Variants in PLXNA2 observed in about 807,000 individuals in gnomAD.
The protein encoded by PLXNA2 is plexin A2, also known as plexin-A2.
Under a neutral mutation model 193.5 loss-of-function variants are expected in PLXNA2, and 91 were observed. That is an observed-to-expected ratio of 0.47 (90% CI 0.40 to 0.56). PLXNA2 has a LOEUF of 0.56. PLXNA2 is among the 20% of genes least tolerant of loss of function. The pLI, the probability that PLXNA2 is intolerant of heterozygous loss-of-function variation, is 0.00. For missense variants in PLXNA2, 1,995 were observed against 2,503.2 expected, an observed-to-expected ratio of 0.80 and a Z score of 4.33; for synonymous variants, 997 against 1,027.3, an observed-to-expected ratio of 0.97 and a Z score of 0.56.
intron 4 of PLXNA2, among the ~76,000 whole-genome samples, chr1:208,106,490 C>A (rs751246819): frequency 6.6e-6 from 1 of 152,220 alleles, no homozygotes; most frequent in Non-Finnish European, 1.5e-5. Flanking sequence ...TTCAGAGCAA[C>A]GAGAAAACAC....
At chr1:208,103,466 T>G (rs1667164195) in intron 4 of PLXNA2, among the ~76,000 whole-genome samples, 1 of 152,196 alleles carries the variant, frequency 6.6e-6, no homozygotes, top group Non-Finnish European at 1.5e-5. Context: ...TAAGACTTCT[T>G]GCCTTCGCGA....
Position 208,060,771 on chromosome 1 carries a change from G to C in PLXNA2, c.2653C>G (p.Leu885Val). 6.2e-7 allele frequency: 1 copy of C among 1,614,144 alleles called. No homozygotes were observed. Among genetic ancestry groups the C allele is most frequent in the Non-Finnish European group, 8.5e-7 (1 of 1,180,012 alleles). ...RVTIHGVNLG[L>V]DFSEIAHHVQ... is the part of the protein sequence containing the mutation. ...TGGTGGGCGATCTCGGAGAAGTCCAGACCCAGGTTCACGCCATGGATGGTC... is the reference window on the plus strand; with the variant it reads ...TGGTGGGCGATCTCGGAGAAGTCCACACCCAGGTTCACGCCATGGATGGTC... Residue 885 changes from leucine to valine, a missense_variant, in exon 13 of 32, where the codon CTG becomes GTG. Physicochemically the swap from Leu to Val is conservative, Grantham distance 32. Around this residue, in one of 3 missense-constraint regions of PLXNA2, gnomAD observed 1,291 missense variants for 1,673.6 expected, o/e 0.77. Transcript: ENST00000367033.
chr1:208,150,925 A>G (rs895670429), intron 3 of PLXNA2, among the ~76,000 whole-genome samples: 4 of 152,220 alleles, frequency 2.6e-5, no homozygotes, highest in African/African-American at 9.6e-5. Context: ...AGAGCTTATG[A>G]GAGGTGAATT....
rs1664366559 is a variant in PLXNA2, at chr1:208,027,189, C to T, written c.*54G>A. On this transcript the variant is annotated 3_prime_UTR_variant, in exon 32 of 32. Transcript: ENST00000367033. ...TCACTTGTCCTTCCATCTGAGACTC[C>T]CAGTGTGACAGCTTGGACAGGTCCC... is the stretch of plus-strand genomic sequence containing the variant. The T allele has an allele frequency of 2.1e-6, 3 of 1,454,434 alleles. No individual in the cohort carries two copies. The highest frequency in any genetic ancestry group is 2.8e-5 in the African/African-American group (2 of 72,010). The allele number at this position is 1,454,434 out of a possible 1,614,324, so 90.1% of individuals were successfully genotyped here.
In PLXNA2 at chr1:208,193,177, A is replaced by G. The variant is rs550531250; in HGVS notation, c.1371+17103T>C. Among the ~76,000 whole-genome samples, 174 of 152,352 alleles carry G rather than the reference A, an allele frequency of 1.1e-3. 6 individuals are homozygous for G. The South Asian group carries it at 0.035, about 30-fold the overall frequency. ...CAGCACAGTGAATGATGAAACCCAG[A>G]CAGTCCTGGCATTGCTTCATTTGCT... is the stretch of plus-strand genomic sequence containing the variant. On this transcript the variant is annotated intron_variant, in intron 3 of 31. Coordinates refer to ENST00000367033, the MANE Select transcript of PLXNA2 (RefSeq NM_025179.4).
At position 208,152,186 on chromosome 1, in the gene PLXNA2, G is replaced by A. The variant is rs116101517; in HGVS notation, c.1372-9723C>T. Among the ~76,000 whole-genome samples the A allele has an allele frequency of 4.2e-3, 634 of 152,336 alleles. 6 individuals are homozygous for A. The highest frequency in any genetic ancestry group is 0.014 in the African/African-American group (588 of 41,566). On this transcript the variant is annotated intron_variant, in intron 3 of 31. Coordinates refer to ENST00000367033, the MANE Select transcript of PLXNA2 (RefSeq NM_025179.4). Reference sequence around the variant, plus strand: ...AGCTGTAGGGATGGGAAGGGAGGTCGAGAGCGCTAAGCACCATTATCTGAC... The same window carrying A: ...AGCTGTAGGGATGGGAAGGGAGGTCAAGAGCGCTAAGCACCATTATCTGAC...
intron 2 of PLXNA2, among the ~76,000 whole-genome samples, chr1:208,212,108 G>T (rs1158984956): frequency 6.6e-6 from 1 of 152,172 alleles, no homozygotes; most frequent in Non-Finnish European, 1.5e-5. Context: ...AGAGGAGGAA[G>T]GAAATGGCTA....
At position 208,075,242 on chromosome 1, in the gene PLXNA2, G is replaced by A. The variant is rs1299284195; in HGVS notation, c.2586+4018C>T. On this transcript the variant is annotated intron_variant, in intron 12 of 31. Transcript: ENST00000367033. ...AGGAGAATCCCTTGAACCCGGAGGC[G>A]GGGGTTGTAGTGAGCCAAGATCACA... Among the ~76,000 whole-genome samples the A allele has an allele frequency of 1.1e-4, 17 of 152,114 alleles. No homozygotes were observed. In the Middle Eastern group the frequency reaches 0.01, roughly 91 times the overall value.
chr1:208,185,713 A>C (rs981553308), intron 3 of PLXNA2, among the ~76,000 whole-genome samples: 1 of 137,360 alleles, frequency 7.3e-6, no homozygotes, highest in Non-Finnish European at 1.6e-5. Flanking sequence ...AAAAAAAAAA[A>C]AAAAAGGAAA....
Position 208,023,005 on chromosome 1 carries a change from T to C in PLXNA2, c.*4238A>G, listed in dbSNP as rs1465268687. ...TTCATGGGGATCACTGAGCTCCAGA[T>C]ACTAAAACGTCACACTTCAGGGAAA... On this transcript the variant is annotated 3_prime_UTR_variant, in exon 32 of 32. Transcript: ENST00000367033. 2.0e-5 allele frequency: 3 copies of C among 152,210 alleles called. No homozygotes were observed. Among genetic ancestry groups the C allele is most frequent in the Non-Finnish European group, 2.9e-5 (2 of 68,048 alleles). 9.4% of individuals were successfully genotyped at this position (152,210 alleles called of 1,614,324 possible).
intron 8 of PLXNA2, among the ~76,000 whole-genome samples, chr1:208,094,724 C>T (rs992001236): frequency 6.6e-6 from 1 of 152,192 alleles, no homozygotes; most frequent in African/African-American, 2.4e-5. Context: ...TGGTTCCCAC[C>T]AGGCCATTTC....
chr1:208,106,194 C>T (rs1667267238), intron 4 of PLXNA2, among the ~76,000 whole-genome samples: 1 of 152,000 alleles, frequency 6.6e-6, no homozygotes, highest in African/African-American at 2.4e-5. Context: ...GTAACAGCCA[C>T]ACACAAACCA....
At chr1:208,133,929 C>A (rs543510284) in intron 4 of PLXNA2, among the ~76,000 whole-genome samples, 1 of 152,300 alleles carries the variant, frequency 6.6e-6, no homozygotes, top group South Asian at 2.1e-4. Flanking sequence ...CTGTAACTTC[C>A]CATCTCCTGG....
At chr1:208,033,596 G>T in intron 27 of PLXNA2, 87 bp from the exon 28 acceptor site, 1 of 1,116,832 alleles carries the variant, frequency 9.0e-7, no homozygotes, top group Non-Finnish European at 1.3e-6. Context: ...CCCGCCTGCT[G>T]CATCCACTCA....
At chr1:208,086,238 C>T (rs753658588) in intron 9 of PLXNA2, among the ~76,000 whole-genome samples, 33 of 152,100 alleles carry the variant, frequency 2.2e-4, no homozygotes, top group African/African-American at 7.2e-4. Flanking sequence ...TGACATGTAA[C>T]GGACATGTCA....
At chr1:208,098,517 G>A (rs1666991867) in intron 6 of PLXNA2, among the ~76,000 whole-genome samples, 1 of 150,254 alleles carries the variant, frequency 6.7e-6, no homozygotes, top group South Asian at 2.1e-4. Flanking sequence ...TTCTTTAAGA[G>A]TGCAGTGAGT....
rs139916323 is a variant in PLXNA2, at chr1:208,141,216, T to G, written c.1506+1113A>C. ...ACTCAGAACTGCATCACTGCTTCCC[T>G]TAATGCTGTCGTGTGCACACTTATC... is the stretch of plus-strand genomic sequence containing the variant. On this transcript the variant is annotated intron_variant, in intron 4 of 31. Coordinates refer to ENST00000367033, the MANE Select transcript of PLXNA2 (RefSeq NM_025179.4). 7.2e-4 allele frequency among the ~76,000 whole-genome samples: 109 copies of G among 152,358 alleles called. 1 individual carries two copies. Among genetic ancestry groups the G allele is most frequent in the African/African-American group, 2.5e-3 (104 of 41,588 alleles).
chr1:208,031,483 C>T, intron 29 of PLXNA2, 107 bp downstream of exon 29: 5 of 1,449,152 alleles, frequency 3.5e-6, no homozygotes, highest in Non-Finnish European at 4.8e-6. Flanking sequence ...CACCCAGCCC[C>T]AGCCGAGAAT....
intron 3 of PLXNA2, among the ~76,000 whole-genome samples, chr1:208,187,969 G>T (rs1231687655): frequency 1.3e-5 from 2 of 152,190 alleles, no homozygotes; most frequent in African/African-American, 4.8e-5. Context: ...TAAGAGAACT[G>T]GGGTGATTTC....
Sources: gnomAD v4.1 joint callset for allele counts (sites outside exome capture counted in the v4.1 genomes callset) on GRCh38, gnomAD v4.1.1 for gene constraint, gnomAD v4.1.1 regional missense constraint, MANE v1.5 for transcripts, NCBI Gene and HGNC (gene_info 2026-07-23, HGNC 2026-07-21) for gene names.